SLC35F4: variants seen among roughly 807,000 people sequenced by gnomAD.
SLC35F4 encodes the protein chromosome 14 open reading frame 36.
In SLC35F4, 24 loss-of-function variants were observed where a neutral mutation model predicts 44.2. The observed-to-expected ratio is 0.54, with a 90% confidence interval of 0.39 to 0.76. The LOEUF (loss-of-function observed/expected upper bound fraction) is 0.76. Among genes scored for constraint, SLC35F4 ranks in the 30% least tolerant of loss-of-function variants. The pLI, the probability that SLC35F4 is intolerant of heterozygous loss-of-function variation, is 0.00. For missense variants in SLC35F4, 562 were observed against 586.1 expected, an observed-to-expected ratio of 0.96 and a Z score of 0.42; for synonymous variants, 238 against 223.6, an observed-to-expected ratio of 1.06 and a Z score of -0.57.
chr14:57,788,271 T>G (rs975841851), intron 1 of SLC35F4, among the ~76,000 whole-genome samples: 2 of 151,786 alleles, frequency 1.3e-5, no homozygotes, highest in Non-Finnish European at 2.9e-5. Flanking sequence ...TATAAAACAA[T>G]TACTAATAGA....
At chr14:57,900,773 C>A (rs1888983326) in intron 1 of SLC35F4, among the ~76,000 whole-genome samples, 1 of 152,048 alleles carries the variant, frequency 6.6e-6, no homozygotes, top group Admixed American at 6.5e-5. Flanking sequence ...TGCAGTCTAT[C>A]CATCTGACAA....
intron 1 of SLC35F4, among the ~76,000 whole-genome samples, chr14:57,969,642 C>T (rs1880996430): frequency 2.0e-5 from 3 of 152,088 alleles, no homozygotes; most frequent in Admixed American, 2.0e-4. Context: ...TTCCATGTTG[C>T]ATAACATTCA....
At chr14:57,633,025 A>C (rs2072858862) in intron 1 of SLC35F4, among the ~76,000 whole-genome samples, 1 of 152,110 alleles carries the variant, frequency 6.6e-6, no homozygotes, top group Non-Finnish European at 1.5e-5. Flanking sequence ...TCACTTAGTA[A>C]TGTGCATTTA....
At chr14:57,827,194 C>A (rs1216419690) in intron 1 of SLC35F4, among the ~76,000 whole-genome samples, 1 of 152,104 alleles carries the variant, frequency 6.6e-6, no homozygotes, top group Non-Finnish European at 1.5e-5. Context: ...AAGAACAAGA[C>A]CATGTCATTT....
intron 1 of SLC35F4, among the ~76,000 whole-genome samples, chr14:57,654,496 T>C (rs34061799): frequency 0.14 from 21,814 of 152,198 alleles, 1,929 homozygotes; most frequent in African/African-American, 0.24. Context: ...CGTTGGTTGA[T>C]GGACATTTAG....
At chr14:57,982,749 T>C (rs1447322576), upstream of SLC35F4, among the ~76,000 whole-genome samples, 1 of 152,148 alleles carries the variant, frequency 6.6e-6, no homozygotes, top group Non-Finnish European at 1.5e-5. Flanking sequence ...AGTTCTGGGA[T>C]ACATGTGCAG....
chr14:57,959,738 T>C (rs1053900397), intron 1 of SLC35F4, among the ~76,000 whole-genome samples: 2 of 152,174 alleles, frequency 1.3e-5, no homozygotes, highest in East Asian at 3.8e-4. Context: ...ATGGTAACAA[T>C]ACCTACCTCA....
chr14:57,631,524 A>G (rs2072772782), intron 1 of SLC35F4, among the ~76,000 whole-genome samples: 1 of 152,112 alleles, frequency 6.6e-6, no homozygotes, highest in African/African-American at 2.4e-5. Context: ...TGCTTACAGC[A>G]CTTGGCCTGT....
Position 57,572,016 on chromosome 14 carries a change from C to G in SLC35F4, c.811G>C (p.Val271Leu). The change falls in exon 5 of 8, where the codon GTT (valine) becomes CTT (leucine). Residue 271 changes from valine to leucine, a missense_variant. Physicochemically the swap from Val to Leu is conservative, Grantham distance 32. Coordinates refer to ENST00000556826, the MANE Select transcript of SLC35F4 (RefSeq NM_001306087.2). Reference sequence around the variant, plus strand: ...CCGGTAATTGCCATTATTGCAGCAACTATCTGTCAAATAGGATGCAAAGAA... The same window carrying G: ...CCGGTAATTGCCATTATTGCAGCAAGTATCTGTCAAATAGGATGCAAAGAA... ...LKDRFMGVRI[V>L]AAIMAITGIV... The G allele has an allele frequency of 6.2e-7, 1 of 1,609,064 alleles. No individual in the cohort carries two copies. Among genetic ancestry groups the G allele is most frequent in the South Asian group, 1.1e-5 (1 of 89,984 alleles).
intron 1 of SLC35F4, among the ~76,000 whole-genome samples, chr14:57,810,548 T>A (rs113509934): frequency 4.3e-4 from 65 of 152,326 alleles, no homozygotes; most frequent in African/African-American, 1.5e-3. Flanking sequence ...CTCACCGTCC[T>A]CAGTATCAAC....
intron 1 of SLC35F4, among the ~76,000 whole-genome samples, chr14:57,743,858 C>T (rs924821193): frequency 1.3e-5 from 2 of 152,186 alleles, no homozygotes; most frequent in Non-Finnish European, 1.5e-5. Context: ...TCCAGCAGCA[C>T]ATCAAAAACT....
At chr14:57,903,775 C>G (rs1162158676) in intron 1 of SLC35F4, among the ~76,000 whole-genome samples, 1 of 152,206 alleles carries the variant, frequency 6.6e-6, no homozygotes, top group African/African-American at 2.4e-5. Flanking sequence ...AACATATTTA[C>G]TCTGAATAAA....
chr14:57,849,389 C>T (rs7150162), intron 1 of SLC35F4, among the ~76,000 whole-genome samples: 65,952 of 151,896 alleles, frequency 0.43, 16,499 homozygotes, highest in East Asian at 0.72. Flanking sequence ...CTCGTACTCT[C>T]GACCTCAGGT....
chr14:57,966,049 C>A (rs1890432220), intron 1 of SLC35F4, among the ~76,000 whole-genome samples: 1 of 152,190 alleles, frequency 6.6e-6, no homozygotes, highest in Non-Finnish European at 1.5e-5. Flanking sequence ...GTATCAGAAT[C>A]CTCTGACACA....
At chr14:57,711,156 G>A (rs1594855549) in intron 1 of SLC35F4, among the ~76,000 whole-genome samples, 1 of 152,248 alleles carries the variant, frequency 6.6e-6, no homozygotes, top group East Asian at 1.9e-4. Flanking sequence ...CTGTTCTCAT[G>A]ATAGTGAGTG....
intron 1 of SLC35F4, among the ~76,000 whole-genome samples, chr14:57,960,437 G>A (rs1890317672): frequency 6.6e-6 from 1 of 152,186 alleles, no homozygotes; most frequent in Admixed American, 6.5e-5. Context: ...TTAACCCCAA[G>A]CATTTCTTAA....
intron 1 of SLC35F4, among the ~76,000 whole-genome samples, chr14:57,765,825 G>T (rs1469590059): frequency 6.6e-6 from 1 of 152,152 alleles, no homozygotes; most frequent in Non-Finnish European, 1.5e-5. Context: ...AGGAAGTGGG[G>T]TATGGTCTCT....
chr14:57,825,116 G>T (rs1488979473), intron 1 of SLC35F4, among the ~76,000 whole-genome samples: 1 of 152,064 alleles, frequency 6.6e-6, no homozygotes, highest in Non-Finnish European at 1.5e-5. Flanking sequence ...GGATTTGGAG[G>T]TGGGATCTGT....
chr14:57,621,967 A>G (rs1212104193), intron 1 of SLC35F4, among the ~76,000 whole-genome samples: 1 of 151,372 alleles, frequency 6.6e-6, no homozygotes, highest in Non-Finnish European at 1.5e-5. Context: ...AAACAAATTT[A>G]CAAGAAAAAA....
Sources: allele counts gnomAD v4.1 joint callset (sites outside exome capture counted in the v4.1 genomes callset), GRCh38; gene constraint gnomAD v4.1.1; transcripts MANE v1.5; gene names NCBI Gene and HGNC (gene_info 2026-07-23, HGNC 2026-07-21).